Variants in CFLAR observed in about 807,000 individuals in gnomAD.
CFLAR encodes the protein CASP8 and FADD-like apoptosis regulator.
Under a neutral mutation model 51.1 loss-of-function variants are expected in CFLAR, and 14 were observed. That is an observed-to-expected ratio of 0.27 (90% CI 0.18 to 0.43). CFLAR has a LOEUF of 0.43. Among genes scored for constraint, CFLAR ranks in the 20% least tolerant of loss-of-function variants. The pLI is 1.00. For missense variants in CFLAR, 390 were observed against 566.5 expected (o/e 0.69, Z 3.16); for synonymous variants, 210 against 211.6 (o/e 0.99, Z 0.06).
chr2:201,136,703 T>C, intron 4 of CFLAR: 2 of 686,242 alleles, frequency 2.9e-6, no homozygotes, highest in Non-Finnish European at 4.6e-6. Flanking sequence ...AGGGCATGGC[T>C]GAGACTCATT....
rs1442821902 is a variant in CFLAR, at chr2:201,165,403, T to G, written c.*1430T>G. ...CTCCTGCCTCAGCCTCCCGAGTAGC[T>G]GGGATTACAGGCTCCTGCCACCACA... On this transcript the variant is annotated 3_prime_UTR_variant, in exon 10 of 10. Transcript: ENST00000309955. 1 of 151,788 alleles carries G rather than the reference T, an allele frequency of 6.6e-6. No individual in the cohort carries two copies. Among genetic ancestry groups the G allele is most frequent in the African/African-American group, 2.4e-5 (1 of 41,292 alleles). 9.4% of individuals were successfully genotyped at this position (151,788 alleles called of 1,614,324 possible). A position where few individuals can be genotyped will look rare whatever the true frequency, so the allele number is the denominator to read the frequency against.
chr2:201,120,561 A>G (rs907577530), intron 1 of CFLAR, among the ~76,000 whole-genome samples: 1 of 152,144 alleles, frequency 6.6e-6, no homozygotes, highest in Admixed American at 6.5e-5. Context: ...TGAACTCTTA[A>G]GTTGAAGAAA....
intron 8 of CFLAR, chr2:201,153,445 T>G (rs922945232): frequency 2.0e-5 from 3 of 152,286 alleles, no homozygotes; most frequent in African/African-American, 7.2e-5. Flanking sequence ...TCACTGAAGA[T>G]TCTAGGCCCA....
At chr2:201,150,504 G>GA (rs879621699) in intron 8 of CFLAR, 167 of 148,186 alleles carry the variant, frequency 1.1e-3, no homozygotes, top group Middle Eastern at 3.4e-3. Flanking sequence ...CTCAAAAAAA[G>GA]AAAAAAAAAA....
chr2:201,166,374 GT>G lies in CFLAR; in HGVS notation c.*2402del. Reference sequence around the variant, plus strand: ...TCCTCACTTCCCAGACAGGGTGGCTGTCGGGCGGAGGGGCTCCTCACTTCTC... The same window carrying G: ...TCCTCACTTCCCAGACAGGGTGGCTGCGGGCGGAGGGGCTCCTCACTTCTC... On this transcript the variant is annotated 3_prime_UTR_variant, in exon 10 of 10. Coordinates refer to ENST00000309955, the MANE Select transcript of CFLAR (RefSeq NM_003879.7). 1 of 166,470 alleles carries G rather than the reference GT, an allele frequency of 6.0e-6. No individual in the cohort carries two copies. The highest frequency in any genetic ancestry group is 1.3e-5 in the Non-Finnish European group (1 of 77,890). The allele number at this position is 166,470 out of a possible 1,614,324, so 10.3% of individuals were successfully genotyped here.
intron 9 of CFLAR, chr2:201,162,795 A>C: frequency 2.1e-6 from 1 of 480,452 alleles, no homozygotes. Flanking sequence ...TTTGTTTAAC[A>C]GTAGATCACA....
At chr2:201,133,578 TG>T (rs998650090) in intron 3 of CFLAR, among the ~76,000 whole-genome samples, 2 of 151,242 alleles carry the variant, frequency 1.3e-5, no homozygotes, top group Non-Finnish European at 2.9e-5. Flanking sequence ...AGGAGTGGGG[TG>T]GGGGGAGGTT....
chr2:201,163,590 C>T (rs1575977126), intron 9 of CFLAR: 17 of 1,293,244 alleles, frequency 1.3e-5, no homozygotes, highest in South Asian at 5.6e-5. Flanking sequence ...AGATGATCCA[C>T]GTGGGTTATC....
At chr2:201,158,741 A>G (rs540933436) in intron 8 of CFLAR, among the ~76,000 whole-genome samples, 8 of 152,144 alleles carry the variant, frequency 5.3e-5, no homozygotes, top group African/African-American at 9.6e-5. Context: ...TATAAAGGGT[A>G]TACACATTTA....
At chr2:201,139,733 C>T (rs993770932) in intron 4 of CFLAR, 3 of 152,974 alleles carry the variant, frequency 2.0e-5, no homozygotes, top group African/African-American at 7.2e-5. Context: ...CTGACCTTCT[C>T]TCCACTATTA....
At chr2:201,120,023 CTTTTT>C (rs34076189) in intron 1 of CFLAR, among the ~76,000 whole-genome samples, 1 of 112,348 alleles carries the variant, frequency 8.9e-6, no homozygotes, top group Non-Finnish European at 1.8e-5. Flanking sequence ...CTTTTCTTTT[CTTTTT>C]TTTTTTTTTT....
At chr2:201,139,971 C>A in intron 4 of CFLAR, 1 of 245,188 alleles carries the variant, frequency 4.1e-6, no homozygotes. Context: ...CCCTTCAGCG[C>A]AGTGAACCCG....
intron 8 of CFLAR, among the ~76,000 whole-genome samples, chr2:201,155,187 C>T (rs555454631): frequency 2.0e-5 from 3 of 152,092 alleles, no homozygotes; most frequent in Admixed American, 1.3e-4. Context: ...ATGGGCTTTA[C>T]GGCTTGGCCT....
chr2:201,134,775 C>T (rs540115282), intron 3 of CFLAR, among the ~76,000 whole-genome samples: 12 of 152,026 alleles, frequency 7.9e-5, no homozygotes, highest in Non-Finnish European at 1.8e-4. Context: ...CCTATTGTTT[C>T]TAAAATATGA....
chr2:201,135,551 T>C (rs893464417), intron 3 of CFLAR, among the ~76,000 whole-genome samples: 2 of 152,202 alleles, frequency 1.3e-5, no homozygotes, highest in Admixed American at 1.3e-4. Flanking sequence ...TGAAGGTCAC[T>C]GAAAGGGCTC....
intron 1 of CFLAR, 167 bp from the exon 2 acceptor site, chr2:201,129,562 G>A: frequency 2.5e-6 from 1 of 407,820 alleles, no homozygotes; most frequent in Non-Finnish European, 4.3e-6. Context: ...TCTGTTTTTG[G>A]TTCTGTCTAC....
chr2:201,125,462 G>C (rs1178522242), intron 1 of CFLAR, among the ~76,000 whole-genome samples: 10 of 152,072 alleles, frequency 6.6e-5, no homozygotes, highest in African/African-American at 2.4e-4. Context: ...GGGAGGAGCC[G>C]TCTCTGGAGG....
At chr2:201,139,602 T>G (rs981352828) in intron 4 of CFLAR, 2 of 153,830 alleles carry the variant, frequency 1.3e-5, no homozygotes, top group Non-Finnish European at 2.9e-5. Flanking sequence ...AGGTGGGACA[T>G]GCGGGCAGCA....
Position 201,149,010 on chromosome 2 carries a change from A to G in CFLAR, c.669A>G (p.Pro223=), listed in dbSNP as rs1575819632. Reference sequence around the variant, plus strand: ...CTCTCTCTCATCCCCCAGAAGAACCAGTGAAGAAATCCATTCAGGAATCAG... The same window carrying G: ...CTCTCTCTCATCCCCCAGAAGAACCGGTGAAGAAATCCATTCAGGAATCAG... ...LKEQLGAQQE[P]VKKSIQESEA... Residue 223 remains proline, a synonymous_variant, in exon 7 of 10, where the codon CCA becomes CCG. Coordinates refer to ENST00000309955, the MANE Select transcript of CFLAR (RefSeq NM_003879.7). 1.4e-5 allele frequency: 22 copies of G among 1,612,078 alleles called. No individual in the cohort carries two copies. The East Asian group carries it at 4.7e-4, about 34-fold the overall frequency.
Sources: allele counts gnomAD v4.1 joint callset (sites outside exome capture counted in the v4.1 genomes callset), GRCh38; gene constraint gnomAD v4.1.1; transcripts MANE v1.5; gene names NCBI Gene and HGNC (gene_info 2026-07-23, HGNC 2026-07-21).